Variants in GALNT13 observed in about 807,000 individuals in gnomAD.
The protein encoded by GALNT13 is polypeptide N-acetylgalactosaminyltransferase 13.
In GALNT13, 28 loss-of-function variants were observed where a neutral mutation model predicts 64.2. The observed-to-expected ratio is 0.44, with a 90% CI of 0.32 to 0.60. GALNT13 has a LOEUF of 0.60. Ranked by LOEUF, GALNT13 falls within the 20% of genes least tolerant of loss-of-function variation. GALNT13 has a pLI of 0.05. For missense variants in GALNT13, 577 were observed against 669.8 expected (o/e 0.86, Z 1.53); for synonymous variants, 214 against 224.6 (o/e 0.95, Z 0.42).
chr2:154,141,854 C>T (rs751370284), intron 4 of GALNT13, among the ~76,000 whole-genome samples: 42 of 152,048 alleles, frequency 2.8e-4, no homozygotes, highest in East Asian at 9.6e-4. Flanking sequence ...TAATATTGCA[C>T]GAAAAATGAT....
At chr2:153,389,581 T>C in the GALNT13 span, among the ~76,000 whole-genome samples, 2 of 152,236 alleles carry the variant, frequency 1.3e-5, no homozygotes. Flanking sequence ...AAAATTAACA[T>C]TGGGAAATCT....
chr2:153,569,731 T>G, the GALNT13 span, among the ~76,000 whole-genome samples: 1 of 152,112 alleles, frequency 6.6e-6, no homozygotes, highest in African/African-American at 2.4e-5. Context: ...AATGAACAAT[T>G]AAATTATTAT....
At chr2:153,473,760 T>C in the GALNT13 span, among the ~76,000 whole-genome samples, 1 of 152,204 alleles carries the variant, frequency 6.6e-6, no homozygotes, top group Non-Finnish European at 1.5e-5. Context: ...AGGAAGGCTC[T>C]AAACTGCATG....
chr2:154,283,978 T>C (rs968983361), intron 8 of GALNT13, among the ~76,000 whole-genome samples: 5 of 152,206 alleles, frequency 3.3e-5, no homozygotes, highest in Admixed American at 1.3e-4. Context: ...TATTCTTTTA[T>C]TTTTATGTTT....
At chr2:153,456,703 T>A in the GALNT13 span, among the ~76,000 whole-genome samples, 1 of 152,202 alleles carries the variant, frequency 6.6e-6, no homozygotes. Context: ...ATTACTAATA[T>A]TCCTATCGTG....
chr2:153,605,145 C>A, the GALNT13 span, among the ~76,000 whole-genome samples: 23 of 152,072 alleles, frequency 1.5e-4, no homozygotes, highest in Admixed American at 1.5e-3. Flanking sequence ...TGTGCTCAGT[C>A]CATTTCCCTT....
chr2:154,108,645 G>A, intron 3 of GALNT13, among the ~76,000 whole-genome samples: 1 of 151,840 alleles, frequency 6.6e-6, no homozygotes, highest in East Asian at 1.9e-4. Context: ...TCAAATCCAA[G>A]AAAAATAATT....
the GALNT13 span, among the ~76,000 whole-genome samples, chr2:153,449,127 C>A: frequency 6.6e-6 from 1 of 152,288 alleles, no homozygotes; most frequent in East Asian, 1.9e-4. Flanking sequence ...TGGCTGTCTA[C>A]AAGCCAGGAA....
the GALNT13 span, among the ~76,000 whole-genome samples, chr2:153,078,372 C>T: frequency 6.1e-5 from 9 of 146,566 alleles, no homozygotes; most frequent in Middle Eastern, 3.3e-3. Flanking sequence ...TGTACAGTGG[C>T]GGAATCTCAG....
intron 3 of GALNT13, among the ~76,000 whole-genome samples, chr2:153,965,892 T>C (rs1693300565): frequency 6.6e-6 from 1 of 151,598 alleles, no homozygotes; most frequent in African/African-American, 2.4e-5. Flanking sequence ...ATATTTTATA[T>C]TATCGATCTC....
chr2:153,528,407 A>G, the GALNT13 span, among the ~76,000 whole-genome samples: 1 of 152,056 alleles, frequency 6.6e-6, no homozygotes, highest in South Asian at 2.1e-4. Context: ...TGCACTCAAC[A>G]TGGGAGTACT....
the GALNT13 span, among the ~76,000 whole-genome samples, chr2:153,094,058 TC>T: frequency 4.6e-5 from 7 of 152,128 alleles, no homozygotes; most frequent in Non-Finnish European, 1.0e-4. Context: ...TTTATTTGGA[TC>T]ATCTCTCTCT....
chr2:153,843,496 T>G, the GALNT13 span, among the ~76,000 whole-genome samples: 1 of 152,206 alleles, frequency 6.6e-6, no homozygotes, highest in Admixed American at 6.5e-5. Flanking sequence ...AACATGAGAT[T>G]TAGACAGAGA....
intron 10 of GALNT13, among the ~76,000 whole-genome samples, chr2:154,404,563 T>G (rs1699441337): frequency 1.3e-5 from 2 of 152,138 alleles, no homozygotes; most frequent in African/African-American, 4.8e-5. Flanking sequence ...TAATAGATAC[T>G]CATGAGAAAT....
At chr2:153,259,043 A>C in the GALNT13 span, among the ~76,000 whole-genome samples, 1 of 152,082 alleles carries the variant, frequency 6.6e-6, no homozygotes, top group South Asian at 2.1e-4. Flanking sequence ...CTGACAATGG[A>C]GTATTGAATT....
chr2:154,302,055 G>GTA (rs900941371), intron 9 of GALNT13, among the ~76,000 whole-genome samples: 15 of 152,064 alleles, frequency 9.9e-5, no homozygotes, highest in African/African-American at 3.6e-4. Context: ...TTACAGAGAA[G>GTA]TATATATATT....
intron 4 of GALNT13, among the ~76,000 whole-genome samples, chr2:154,163,358 A>G (rs1394935915): frequency 6.6e-6 from 1 of 152,062 alleles, no homozygotes; most frequent in Non-Finnish European, 1.5e-5. Flanking sequence ...CAAGACTAAT[A>G]AAGAAGAAAA....
the GALNT13 span, among the ~76,000 whole-genome samples, chr2:153,382,303 G>A: frequency 6.6e-6 from 1 of 151,974 alleles, no homozygotes; most frequent in African/African-American, 2.4e-5. Context: ...GCACCCAATA[G>A]GTTTTCAACC....
Position 154,034,351 on chromosome 2 carries a change from A to C in GALNT13, c.142+89712A>C, listed in dbSNP as rs116691443. ...AACTACATTTTTCCATTTATATGAC[A>C]TATTGGAAAATATCATGTAAATAAA... On this transcript the variant is annotated intron_variant, in intron 3 of 12. Coordinates refer to ENST00000392825, the MANE Select transcript of GALNT13 (RefSeq NM_052917.4). Among the ~76,000 whole-genome samples the C allele has an allele frequency of 4.7e-3, 716 of 152,316 alleles. 2 individuals are homozygous for C. The highest frequency in any genetic ancestry group is 7.8e-3 in the Non-Finnish European group (532 of 68,026).
Sources: gnomAD v4.1 joint callset for allele counts (sites outside exome capture counted in the v4.1 genomes callset) on GRCh38, gnomAD v4.1.1 for gene constraint, MANE v1.5 for transcripts, NCBI Gene and HGNC (gene_info 2026-07-23, HGNC 2026-07-21) for gene names.